The following HNRNPC variants were observed in gnomAD, a reference collection of about 807,000 sequenced individuals.
HNRNPC encodes heterogeneous nuclear ribonucleoproteins C1/C2.
HNRNPC carries 3 observed loss-of-function variants against 33.2 expected under a neutral mutation model. The ratio of observed to expected loss-of-function variants is 0.09; its 90% confidence interval spans 0.04 to 0.23. The LOEUF (loss-of-function observed/expected upper bound fraction) is 0.23, where lower values mean the gene tolerates loss of function less well. Among genes scored for constraint, HNRNPC ranks in the 10% least tolerant of loss-of-function variants. HNRNPC has a pLI of 1.00. For missense variants in HNRNPC, 143 were observed against 366.7 expected (o/e 0.39, Z 4.98); for synonymous variants, 121 against 126.7 (o/e 0.96, Z 0.30).
At chr14:21,250,884 C>G (rs1453125461) in intron 2 of HNRNPC, among the ~76,000 whole-genome samples, 2 of 152,144 alleles carry the variant, frequency 1.3e-5, no homozygotes, top group Non-Finnish European at 2.9e-5. Flanking sequence ...AGACTCTATT[C>G]CTAGGTAGCT....
chr14:21,223,627 T>C (rs1893093681), intron 5 of HNRNPC, among the ~76,000 whole-genome samples: 1 of 151,918 alleles, frequency 6.6e-6, no homozygotes, highest in South Asian at 2.1e-4. Context: ...CATGTGCCTG[T>C]AGTCCCAGCT....
chr14:21,227,952 C>G (rs761466276), intron 5 of HNRNPC, among the ~76,000 whole-genome samples: 1 of 152,266 alleles, frequency 6.6e-6, no homozygotes, highest in Admixed American at 6.5e-5. Flanking sequence ...AACACAACCA[C>G]GTCCTTAATC....
intron 2 of HNRNPC, among the ~76,000 whole-genome samples, chr14:21,247,162 C>T (rs755291763): frequency 1.3e-5 from 2 of 152,144 alleles, no homozygotes; most frequent in Non-Finnish European, 2.9e-5. Context: ...TCAATGTAAT[C>T]CTAACCTCTA....
chr14:21,212,947 AAAT>A lies in HNRNPC; in HGVS notation c.523+10_523+12del. ...CAAGAGATACCAAAATCACAAAATG[AAAT>A]AATACATACACTTTCCAGACTTGGA... On this transcript the variant is annotated intron_variant, in intron 6 of 8. Coordinates refer to ENST00000553300, the MANE Select transcript of HNRNPC (RefSeq NM_004500.4). 6.2e-7 allele frequency: 1 copy of A among 1,613,430 alleles called. No homozygotes were observed. The highest frequency in any genetic ancestry group is 8.5e-7 in the Non-Finnish European group (1 of 1,179,736).
chr14:21,227,074 T>C (rs767318262), intron 5 of HNRNPC, among the ~76,000 whole-genome samples: 1 of 152,078 alleles, frequency 6.6e-6, no homozygotes, highest in Non-Finnish European at 1.5e-5. Flanking sequence ...AATGACTTCT[T>C]AGAAGATATT....
At chr14:21,227,919 G>A (rs570801893) in intron 5 of HNRNPC, among the ~76,000 whole-genome samples, 1 of 152,264 alleles carries the variant, frequency 6.6e-6, no homozygotes, top group African/African-American at 2.4e-5. Context: ...CCATGACAAA[G>A]AAATAGGATA....
At chr14:21,226,254 G>A (rs562993823) in intron 5 of HNRNPC, among the ~76,000 whole-genome samples, 3 of 93,896 alleles carry the variant, frequency 3.2e-5, no homozygotes, top group East Asian at 5.9e-4. Context: ...CCTGGGAGGC[G>A]GAGGTTGCAG....
In HNRNPC at chr14:21,211,213, C is replaced by G; in HGVS notation, c.*10G>C. On this transcript the variant is annotated 3_prime_UTR_variant, in exon 9 of 9. Transcript: ENST00000553300. The stretch of plus-strand genomic sequence containing the variant: ...ATAATGGGATAAGATTTCTAAACCC[C>G]ACTATGTGCTTAAGAGTCATCCTCG... The G allele has an allele frequency of 6.2e-7, 1 of 1,613,010 alleles. No individual in the cohort carries two copies.
chr14:21,255,437 G>A (rs1877007473), intron 2 of HNRNPC, among the ~76,000 whole-genome samples: 1 of 152,160 alleles, frequency 6.6e-6, no homozygotes, highest in African/African-American at 2.4e-5. Flanking sequence ...TTTTAAAATG[G>A]TCAAGCTCTC....
At chr14:21,260,779 A>G (rs927004833) in intron 2 of HNRNPC, among the ~76,000 whole-genome samples, 4 of 152,028 alleles carry the variant, frequency 2.6e-5, no homozygotes, top group African/African-American at 9.7e-5. Flanking sequence ...CCTGGCCAAC[A>G]TGGTGAAACC....
intron 5 of HNRNPC, among the ~76,000 whole-genome samples, chr14:21,229,361 A>ACT (rs34614516): frequency 0.21 from 27,165 of 131,422 alleles, 3,083 homozygotes; most frequent in African/African-American, 0.35. Flanking sequence ...ACAGAGCGAG[A>ACT]CTGTCTCAAA....
intron 5 of HNRNPC, among the ~76,000 whole-genome samples, chr14:21,222,925 G>A (rs920870195): frequency 6.6e-6 from 1 of 151,806 alleles, no homozygotes; most frequent in Non-Finnish European, 1.5e-5. Context: ...CACCAGCTGG[G>A]CGTGATGGCT....
At chr14:21,230,636 T>C in intron 4 of HNRNPC, 1 of 509,306 alleles carries the variant, frequency 2.0e-6, no homozygotes. Context: ...AACAGAATGG[T>C]AAACTAAGCA....
chr14:21,267,216 G>A (rs1252000295), intron 1 of HNRNPC, among the ~76,000 whole-genome samples: 2 of 151,280 alleles, frequency 1.3e-5, no homozygotes, highest in African/African-American at 2.4e-5. Context: ...ATTCAAATAG[G>A]TTTTAAAAAA....
chr14:21,214,242 C>A (rs1356478508), intron 5 of HNRNPC, among the ~76,000 whole-genome samples: 1 of 152,190 alleles, frequency 6.6e-6, no homozygotes, highest in Non-Finnish European at 1.5e-5. Flanking sequence ...TAGTCAAGAA[C>A]TTTAAAAATA....
At chr14:21,247,603 AT>A (rs1303459917) in intron 2 of HNRNPC, among the ~76,000 whole-genome samples, 2 of 152,156 alleles carry the variant, frequency 1.3e-5, no homozygotes, top group Non-Finnish European at 2.9e-5. Flanking sequence ...ATAAATCAAA[AT>A]TTTAGGTAAC....
At chr14:21,231,397 T>C (rs561485874) in intron 3 of HNRNPC, 12 of 473,258 alleles carry the variant, frequency 2.5e-5, no homozygotes, top group African/African-American at 1.4e-4. Flanking sequence ...CTCACTGTCA[T>C]ACAAGCTGGA....
chr14:21,254,502 A>G (rs866302580), intron 2 of HNRNPC: 2 of 152,210 alleles, frequency 1.3e-5, no homozygotes, highest in Non-Finnish European at 2.9e-5. Context: ...TTCTATGAGC[A>G]TGTATTACTT....
intron 2 of HNRNPC, chr14:21,263,047 A>G (rs1279903933): frequency 6.6e-6 from 1 of 152,048 alleles, no homozygotes; most frequent in East Asian, 1.9e-4. Context: ...ACGTGATCAA[A>G]CCACTTAAAA....
Sources: gnomAD v4.1 joint callset for allele counts (sites outside exome capture counted in the v4.1 genomes callset) on GRCh38, gnomAD v4.1.1 for gene constraint, MANE v1.5 for transcripts, NCBI Gene and HGNC (gene_info 2026-07-23, HGNC 2026-07-21) for gene names.